The following CDK6 variants were observed in gnomAD, a reference collection of about 807,000 sequenced individuals.
CDK6 encodes the protein cyclin dependent kinase 6.
A neutral mutation model predicts 37.1 loss-of-function variants in CDK6; 6 were observed. The ratio of observed to expected loss-of-function variants is 0.16; its 90% CI spans 0.09 to 0.32. CDK6 has a LOEUF of 0.32. CDK6 is among the 10% of genes least tolerant of loss of function. The probability of loss-of-function intolerance (pLI) is 1.00; values close to 1 mark genes in which losing one functional copy is unlikely to be tolerated. For missense variants in CDK6, 224 were observed against 418.9 expected, an observed-to-expected ratio of 0.53 and a Z score of 4.06; for synonymous variants, 160 against 161.3, an observed-to-expected ratio of 0.99 and a Z score of 0.06.
chr7:92,653,590 G>A (rs1796624554), intron 5 of CDK6, among the ~76,000 whole-genome samples: 1 of 152,074 alleles, frequency 6.6e-6, no homozygotes, highest in South Asian at 2.1e-4. Flanking sequence ...TTCTTTAGTG[G>A]ATCCAGAATG....
chr7:92,716,591 T>A (rs1218014293), intron 4 of CDK6, among the ~76,000 whole-genome samples: 1 of 152,180 alleles, frequency 6.6e-6, no homozygotes, highest in Non-Finnish European at 1.5e-5. Context: ...CACTATGATA[T>A]TATCAAAGCC....
At chr7:92,675,119 C>A (rs753889858) in intron 4 of CDK6, among the ~76,000 whole-genome samples, 1 of 152,198 alleles carries the variant, frequency 6.6e-6, no homozygotes, top group Non-Finnish European at 1.5e-5. Flanking sequence ...CAGGTGTGAG[C>A]CACTGTGCTC....
intron 5 of CDK6, among the ~76,000 whole-genome samples, chr7:92,660,186 T>C (rs1796804150): frequency 6.6e-6 from 1 of 152,246 alleles, no homozygotes; most frequent in Non-Finnish European, 1.5e-5. Context: ...ACATCATTGC[T>C]GCACCTATGG....
At chr7:92,791,536 TAGG>T (rs980860157) in intron 2 of CDK6, among the ~76,000 whole-genome samples, 2 of 152,244 alleles carry the variant, frequency 1.3e-5, no homozygotes, top group Non-Finnish European at 1.5e-5. Context: ...AGGTAGAATA[TAGG>T]AGAAGTCAGT....
chr7:92,685,165 G>T (rs900378269), intron 4 of CDK6, among the ~76,000 whole-genome samples: 8 of 152,132 alleles, frequency 5.3e-5, no homozygotes, highest in Non-Finnish European at 8.8e-5. Context: ...AATAATTACA[G>T]AATATATACA....
At chr7:92,801,713 C>T (rs1337309226) in intron 2 of CDK6, among the ~76,000 whole-genome samples, 1 of 151,808 alleles carries the variant, frequency 6.6e-6, no homozygotes, top group East Asian at 2.0e-4. Context: ...CCCCCACCTC[C>T]CAGGCTCAAA....
At chr7:92,745,443 T>C (rs111732183) in intron 3 of CDK6, among the ~76,000 whole-genome samples, 63 of 152,284 alleles carry the variant, frequency 4.1e-4, no homozygotes, top group African/African-American at 1.3e-3. Context: ...ATGCCTGCCA[T>C]TGAGTAACTC....
Position 92,833,181 on chromosome 7 carries a change from T to C in CDK6, c.143A>G (p.Gln48Arg), listed in dbSNP as rs1359663998. Residue 48 changes from glutamine (Q) to arginine (R), a missense_variant, in exon 2 of 8, where the codon CAG becomes CGG. Gln to Arg is a conservative substitution (Grantham distance 43, BLOSUM62 1). Around this residue, in one of 5 missense-constraint regions of CDK6, gnomAD observed 21 missense variants for 18.4 expected, o/e 1.14. Transcript: ENST00000424848. The surrounding 1 kb of genome is among the most constrained non-coding windows in gnomAD (Gnocchi z 6.1). ...RFVALKRVRVQTGEEGMPLST... is the reference protein window; with the variant it reads ...RFVALKRVRVRTGEEGMPLST... ...GAGCGGCATGCCCTCCTCGCCGGTC[T>C]GCACCCGCACGCGCTTCAACGCCAC... 2 of 1,609,464 alleles carry C rather than the reference T, an allele frequency of 1.2e-6. No individual in the cohort carries two copies. Among genetic ancestry groups the C allele is most frequent in the East Asian group, 2.2e-5 (1 of 44,678 alleles).
At chr7:92,648,276 T>G (rs1796495647) in intron 5 of CDK6, among the ~76,000 whole-genome samples, 2 of 152,162 alleles carry the variant, frequency 1.3e-5, no homozygotes. Flanking sequence ...TTTGCCAGCA[T>G]TCATGAAACT....
intron 3 of CDK6, among the ~76,000 whole-genome samples, chr7:92,767,896 G>GT (rs1353322739): frequency 6.6e-6 from 1 of 151,838 alleles, no homozygotes; most frequent in Non-Finnish European, 1.5e-5. Context: ...TTGGATGCCT[G>GT]TTTTTTAAAA....
At chr7:92,631,791 A>G (rs1258648192) in intron 5 of CDK6, among the ~76,000 whole-genome samples, 1 of 152,162 alleles carries the variant, frequency 6.6e-6, no homozygotes, top group Non-Finnish European at 1.5e-5. Flanking sequence ...GTTGAGAATG[A>G]TTCTGAAGTG....
intron 5 of CDK6, among the ~76,000 whole-genome samples, chr7:92,648,670 T>A (rs1373828733): frequency 6.6e-6 from 1 of 152,186 alleles, no homozygotes; most frequent in Non-Finnish European, 1.5e-5. Context: ...GAATGCCCAG[T>A]TCAATACGTA....
chr7:92,677,077 G>C (rs575834157), intron 4 of CDK6, among the ~76,000 whole-genome samples: 1 of 151,838 alleles, frequency 6.6e-6, no homozygotes, highest in Admixed American at 6.6e-5. Context: ...TAGATATCTC[G>C]TTTTTATCCT....
chr7:92,775,100 T>C (rs1036250078), intron 2 of CDK6, among the ~76,000 whole-genome samples: 4 of 152,216 alleles, frequency 2.6e-5, no homozygotes, highest in African/African-American at 9.6e-5. Context: ...ACAAGAACGC[T>C]TGGAGAGTTT....
intron 4 of CDK6, among the ~76,000 whole-genome samples, chr7:92,678,310 T>C (rs1797253096): frequency 6.6e-6 from 1 of 152,170 alleles, no homozygotes; most frequent in African/African-American, 2.4e-5. Context: ...CAATAGGAAT[T>C]ATGGACAGAG....
rs895104406 is a variant in CDK6 at position 92,758,456 on chromosome 7, C to T, written c.369+16240G>A. ...GCAGATGGTCATATGTGTGTGGCCT[C>T]ATTTCTGGGCTCTCTATTCTGTTCC... On this transcript the variant is annotated intron_variant, in intron 3 of 7. Transcript: ENST00000424848. Among the ~76,000 whole-genome samples the T allele has an allele frequency of 7.2e-5, 11 of 152,010 alleles. 1 individual carries two copies. Among genetic ancestry groups the T allele is most frequent in the Admixed American group, 5.3e-4 (8 of 15,238 alleles).
At chr7:92,688,863 G>C (rs539534373) in intron 4 of CDK6, among the ~76,000 whole-genome samples, 1 of 152,212 alleles carries the variant, frequency 6.6e-6, no homozygotes, top group South Asian at 2.1e-4. Flanking sequence ...CCTCTAAAGA[G>C]GTCACGCAGT....
At chr7:92,790,707 C>T (rs1033125919) in intron 2 of CDK6, among the ~76,000 whole-genome samples, 1 of 152,094 alleles carries the variant, frequency 6.6e-6, no homozygotes. Context: ...CATACACATA[C>T]ATCTTTCTGT....
At chr7:92,757,690 C>T (rs1371107198) in intron 3 of CDK6, among the ~76,000 whole-genome samples, 1 of 152,164 alleles carries the variant, frequency 6.6e-6, no homozygotes, top group Non-Finnish European at 1.5e-5. Flanking sequence ...ATTGCTGGGT[C>T]GAATGGTAGT....
Sources: allele counts gnomAD v4.1 joint callset (sites outside exome capture counted in the v4.1 genomes callset), GRCh38; gene constraint gnomAD v4.1.1; regional missense constraint gnomAD v4.1.1; non-coding constraint Gnocchi (gnomAD v3.1); transcripts MANE v1.5; gene names NCBI Gene and HGNC (gene_info 2026-07-23, HGNC 2026-07-21).